Variants in CPNE4 observed in about 807,000 individuals in gnomAD.
CPNE4 encodes copine 4, also known as copine-4.
Under a neutral mutation model 67.9 loss-of-function variants are expected in CPNE4, and 25 were observed. That is an observed-to-expected ratio of 0.37 (90% CI 0.27 to 0.51). The LOEUF (loss-of-function observed/expected upper bound fraction) is 0.51, where lower values mean the gene tolerates loss of function less well. CPNE4 is among the 20% of genes least tolerant of loss of function. The pLI is 0.93. For missense variants in CPNE4, 464 were observed against 690.8 expected (o/e 0.67, Z 3.68); for synonymous variants, 242 against 244.9 (o/e 0.99, Z 0.11).
chr3:131,966,617 T>A (rs2072356347), intron 1 of CPNE4, among the ~76,000 whole-genome samples: 1 of 151,798 alleles, frequency 6.6e-6, no homozygotes, highest in Non-Finnish European at 1.5e-5. Flanking sequence ...AACTAGAAAA[T>A]CTAGAAGAAA....
chr3:131,717,942 CTTT>C (rs376553304), intron 3 of CPNE4, among the ~76,000 whole-genome samples: 1 of 110,498 alleles, frequency 9.0e-6, no homozygotes, highest in Non-Finnish European at 1.9e-5. Context: ...TTCTTTCTTT[CTTT>C]TCTTTCTTTC....
intron 5 of CPNE4, among the ~76,000 whole-genome samples, chr3:131,690,736 A>AG: frequency 6.6e-6 from 1 of 152,102 alleles, no homozygotes; most frequent in African/African-American, 2.4e-5. Flanking sequence ...ACAGTTAAAA[A>AG]AAAAACTATT....
At chr3:131,569,878 A>G (rs1937245396) in intron 10 of CPNE4, among the ~76,000 whole-genome samples, 1 of 151,872 alleles carries the variant, frequency 6.6e-6, no homozygotes, top group African/African-American at 2.4e-5. Flanking sequence ...AAATGACACA[A>G]AAGAAATGTC....
At chr3:131,939,417 A>G (rs565018697) in intron 1 of CPNE4, among the ~76,000 whole-genome samples, 7 of 152,300 alleles carry the variant, frequency 4.6e-5, no homozygotes, top group African/African-American at 1.7e-4. Context: ...AAAAATTTTA[A>G]AAATGTATGT....
intron 2 of CPNE4, among the ~76,000 whole-genome samples, chr3:131,824,797 G>T (rs1432725373): frequency 3.3e-5 from 5 of 152,056 alleles, no homozygotes; most frequent in African/African-American, 1.2e-4. Flanking sequence ...GAGTACCTTG[G>T]ATCAGGGGAG....
chr3:131,965,379 A>G (rs1434855506), intron 1 of CPNE4, among the ~76,000 whole-genome samples: 1 of 152,234 alleles, frequency 6.6e-6, no homozygotes, highest in Non-Finnish European at 1.5e-5. Flanking sequence ...TAACAATATT[A>G]ACCTTAAATG....
At chr3:131,662,438 C>T (rs60194483) in intron 7 of CPNE4, among the ~76,000 whole-genome samples, 1,905 of 152,264 alleles carry the variant, frequency 0.013, 42 homozygotes, top group African/African-American at 0.043. Flanking sequence ...TACACATATA[C>T]ATATACACTC....
Position 131,588,066 on chromosome 3 carries a change from CTATTTT to C in CPNE4, c.682-490_682-485del, listed in dbSNP as rs371216895. 2.7e-3 allele frequency among the ~76,000 whole-genome samples: 403 copies of C among 151,434 alleles called. 2 individuals are homozygous for C. Among genetic ancestry groups the C allele is most frequent in the African/African-American group, 9.4e-3 (382 of 40,806 alleles). On this transcript the variant is annotated intron_variant, in intron 7 of 15. Transcript: ENST00000429747. Reference sequence around the variant, plus strand: ...CCATATTAATCACATTTTTCTTTTTCTATTTTTTTTTCTGAAGGCAAAATAGCAATG... The same window carrying C: ...CCATATTAATCACATTTTTCTTTTTCTTTTTCTGAAGGCAAAATAGCAATG...
intron 2 of CPNE4, among the ~76,000 whole-genome samples, chr3:131,865,936 T>G (rs533623622): frequency 6.7e-6 from 1 of 150,088 alleles, no homozygotes; most frequent in African/African-American, 2.5e-5. Context: ...AAATAGACCT[T>G]TGGCATTGTC....
At chr3:131,783,151 T>C (rs1044680652) in intron 2 of CPNE4, among the ~76,000 whole-genome samples, 2 of 152,114 alleles carry the variant, frequency 1.3e-5, no homozygotes, top group African/African-American at 2.4e-5. Context: ...AATGCAAGCC[T>C]TGGAATAAGC....
intron 1 of CPNE4, among the ~76,000 whole-genome samples, chr3:131,972,015 G>C (rs1051534950): frequency 6.6e-6 from 1 of 152,124 alleles, no homozygotes; most frequent in Non-Finnish European, 1.5e-5. Context: ...GTGGGTAAAT[G>C]AGAGAATGGC....
intron 2 of CPNE4, among the ~76,000 whole-genome samples, chr3:131,723,839 CTTGAAGAT>C: frequency 6.6e-6 from 1 of 152,104 alleles, no homozygotes; most frequent in Admixed American, 6.5e-5. Context: ...ATGTAAATAA[CTTGAAGAT>C]TTAGAGCTCA....
intron 10 of CPNE4, among the ~76,000 whole-genome samples, chr3:131,568,817 A>C (rs568773784): frequency 6.6e-6 from 1 of 152,106 alleles, no homozygotes; most frequent in South Asian, 2.1e-4. Context: ...CCTTCCCTTC[A>C]TCTGCCAAAC....
intron 7 of CPNE4, among the ~76,000 whole-genome samples, chr3:131,602,436 G>A (rs1056912489): frequency 1.3e-5 from 2 of 152,162 alleles, no homozygotes; most frequent in East Asian, 1.9e-4. Flanking sequence ...GGAGATGGAA[G>A]GGCAATGGGT....
intron 5 of CPNE4, among the ~76,000 whole-genome samples, chr3:131,692,060 A>T (rs2081046876): frequency 6.6e-6 from 1 of 152,186 alleles, no homozygotes; most frequent in Non-Finnish European, 1.5e-5. Context: ...CTTTAATAAC[A>T]CAGAGACCAT....
intron 3 of CPNE4, among the ~76,000 whole-genome samples, chr3:131,715,231 A>G (rs1292542147): frequency 6.6e-6 from 1 of 152,186 alleles, no homozygotes; most frequent in Non-Finnish European, 1.5e-5. Context: ...AAGAAGCCAT[A>G]TTATATTTAA....
chr3:131,635,443 C>A lies in CPNE4; in HGVS notation c.681+34232G>T, dbSNP rs143608439. On this transcript the variant is annotated intron_variant, in intron 7 of 15. Coordinates refer to ENST00000429747, the MANE Select transcript of CPNE4 (RefSeq NM_130808.3). The stretch of plus-strand genomic sequence containing the variant: ...TGTGTAAGATATTAGATCAATATAT[C>A]TATTCCTATGCTGTCTAATAGGGTA... Among the ~76,000 whole-genome samples the A allele has an allele frequency of 5.6e-3, 852 of 152,264 alleles. 8 individuals are homozygous for A. Among genetic ancestry groups the A allele is most frequent in the African/African-American group, 0.019 (785 of 41,542 alleles).
At chr3:132,035,921 GCTAT>G (rs1297793968), upstream of CPNE4, among the ~76,000 whole-genome samples, 1 of 152,124 alleles carries the variant, frequency 6.6e-6, no homozygotes, top group South Asian at 2.1e-4. Context: ...CTATTAAGGG[GCTAT>G]CTAACAAAGC....
chr3:131,632,622 A>G (rs904255724), intron 7 of CPNE4, among the ~76,000 whole-genome samples: 1 of 152,166 alleles, frequency 6.6e-6, no homozygotes, highest in Non-Finnish European at 1.5e-5. Context: ...CTTTCAGGAC[A>G]TAAGACTATC....
Sources: allele counts gnomAD v4.1 joint callset (sites outside exome capture counted in the v4.1 genomes callset), GRCh38; gene constraint gnomAD v4.1.1; transcripts MANE v1.5; gene names NCBI Gene and HGNC (gene_info 2026-07-23, HGNC 2026-07-21).